ARPC2: variants seen among roughly 807,000 people sequenced by gnomAD.
The protein encoded by ARPC2 is actin-related protein 2/3 complex subunit 2.
A neutral mutation model predicts 38.6 loss-of-function variants in ARPC2; 4 were observed. The observed-to-expected ratio is 0.10, with a 90% CI of 0.05 to 0.24. The LOEUF is 0.24. Among genes scored for constraint, ARPC2 ranks in the 10% least tolerant of loss-of-function variants. ARPC2 has a pLI of 1.00. For missense variants in ARPC2, 229 were observed against 387.3 expected (o/e 0.59, Z 3.43); for synonymous variants, 125 against 140.8 (o/e 0.89, Z 0.79).
At chr2:218,220,529 G>A (rs1303838371) in intron 2 of ARPC2, among the ~76,000 whole-genome samples, 1 of 151,978 alleles carries the variant, frequency 6.6e-6, no homozygotes, top group South Asian at 2.1e-4. Context: ...TTCTGAAAAT[G>A]AAAGCATGAG....
chr2:218,235,786 G>C (rs1559479578), intron 5 of ARPC2: 1 of 152,172 alleles, frequency 6.6e-6, no homozygotes, highest in Non-Finnish European at 1.5e-5. Flanking sequence ...AAATGTAAAA[G>C]TGTGTGAAAG....
intron 8 of ARPC2, among the ~76,000 whole-genome samples, chr2:218,247,788 A>G (rs1474187760): frequency 6.6e-6 from 1 of 152,092 alleles, no homozygotes; most frequent in Non-Finnish European, 1.5e-5. Context: ...CAAAAAATAC[A>G]AAAACTTAGC....
At chr2:218,225,899 G>T in intron 2 of ARPC2, 21 bp from the exon 3 acceptor site, 2 of 1,613,152 alleles carry the variant, frequency 1.2e-6, no homozygotes, top group South Asian at 2.2e-5. Context: ...CTTAACTGAG[G>T]ACCTTTTTTG....
In ARPC2 at chr2:218,254,034, C is replaced by T; in HGVS notation, c.*119C>T. On this transcript the variant is annotated 3_prime_UTR_variant, in exon 11 of 11. Coordinates refer to ENST00000315717, the MANE Select transcript of ARPC2 (RefSeq NM_152862.3). ...TCTTAAGGGATTCTCCGTTTTGGTT[C>T]CATTTTGTACACGTTTGGAAAATAA... 1.5e-6 allele frequency: 2 copies of T among 1,349,682 alleles called. No homozygotes were observed. The highest frequency in any genetic ancestry group is 1.2e-5 in the South Asian group (1 of 80,676). The allele number at this position is 1,349,682 out of a possible 1,614,324, so 83.6% of individuals were successfully genotyped here.
intron 4 of ARPC2, among the ~76,000 whole-genome samples, chr2:218,230,031 C>T (rs1291709978): frequency 2.0e-5 from 3 of 151,406 alleles, no homozygotes; most frequent in African/African-American, 7.3e-5. Flanking sequence ...ACTGCAGTGG[C>T]GCCAGCTCAG....
chr2:218,223,812 G>A (rs1376946909), intron 2 of ARPC2, among the ~76,000 whole-genome samples: 3 of 152,164 alleles, frequency 2.0e-5, no homozygotes, highest in Non-Finnish European at 4.4e-5. Flanking sequence ...AATTCTGGGG[G>A]CCTATTTAGT....
chr2:218,249,395 T>C lies in ARPC2; in HGVS notation c.708T>C (p.Ala236=). ...TCCCTCGTCACACCAATGCCAGTGC[T>C]CGAGACAACACCATCAACCTGATCC... is the stretch of plus-strand genomic sequence containing the variant. The part of the protein sequence containing the change: ...VLFPRHTNAS[A]RDNTINLIHT... The change falls in exon 9 of 11, where the codon GCT becomes GCC. Residue 236 remains alanine, a synonymous_variant. Coordinates refer to ENST00000315717, the MANE Select transcript of ARPC2 (RefSeq NM_152862.3). 2 of 1,613,702 alleles carry C rather than the reference T, an allele frequency of 1.2e-6. No homozygotes were observed. The highest frequency in any genetic ancestry group is 8.5e-7 in the Non-Finnish European group (1 of 1,179,860).
chr2:218,219,241 C>T (rs555169868), intron 2 of ARPC2, among the ~76,000 whole-genome samples: 1 of 152,200 alleles, frequency 6.6e-6, no homozygotes, highest in South Asian at 2.1e-4. Context: ...GCCCATTATT[C>T]GGAACTTCAG....
chr2:218,245,598 C>T (rs769265506), intron 8 of ARPC2, 52 bp downstream of exon 8: 3 of 1,605,430 alleles, frequency 1.9e-6, no homozygotes, highest in Admixed American at 3.4e-5. Context: ...GTTCACACAG[C>T]AGAATACCTA....
intron 2 of ARPC2, among the ~76,000 whole-genome samples, chr2:218,220,685 C>T (rs370985225): frequency 1.3e-4 from 19 of 151,808 alleles, no homozygotes; most frequent in African/African-American, 4.4e-4. Flanking sequence ...CTAAAAGTAT[C>T]AGCTTTCTTT....
At chr2:218,253,506 T>C (rs940814317) in intron 10 of ARPC2, among the ~76,000 whole-genome samples, 2 of 152,204 alleles carry the variant, frequency 1.3e-5, no homozygotes, top group African/African-American at 4.8e-5. Flanking sequence ...CTGAGAGGTA[T>C]ACACTGTGTA....
intron 4 of ARPC2, among the ~76,000 whole-genome samples, chr2:218,230,295 T>C (rs1037070078): frequency 6.7e-5 from 8 of 120,242 alleles, no homozygotes; most frequent in Non-Finnish European, 9.8e-5. Flanking sequence ...TTCTTTTTTT[T>C]TTTTTTTTTT....
intron 10 of ARPC2, among the ~76,000 whole-genome samples, chr2:218,250,125 G>T (rs116355998): frequency 0.027 from 4,069 of 152,264 alleles, 65 homozygotes; most frequent in Non-Finnish European, 0.034. Context: ...CCGTATCTTT[G>T]TGAGCTATGA....
intron 3 of ARPC2, among the ~76,000 whole-genome samples, chr2:218,227,257 G>C (rs1014267418): frequency 6.6e-6 from 1 of 152,100 alleles, no homozygotes; most frequent in African/African-American, 2.4e-5. Flanking sequence ...TCAGTCCTGT[G>C]TACTGCAGAA....
chr2:218,252,572 C>T (rs1690217104), intron 10 of ARPC2, among the ~76,000 whole-genome samples: 1 of 152,158 alleles, frequency 6.6e-6, no homozygotes, highest in Admixed American at 6.5e-5. Flanking sequence ...AGTAGACAGG[C>T]AGTTCAGTAG....
At position 218,239,177 on chromosome 2, in the gene ARPC2, A is replaced by ATC. The variant is rs2106154068; in HGVS notation, c.456-212_456-211dup. On this transcript the variant is annotated intron_variant, in intron 6 of 10. Transcript: ENST00000315717. Reference sequence around the variant, plus strand: ...CATGTTATATTTACAAGTCAATAAAATCTACTTCTGATAATTTCCATCTGC... The same window carrying ATC: ...CATGTTATATTTACAAGTCAATAAAATCTCTACTTCTGATAATTTCCATCTGC... The ATC allele has an allele frequency of 5.1e-6, 3 of 586,580 alleles. No homozygotes were observed. The East Asian group carries it at 8.4e-5, about 16-fold the overall frequency. The allele number at this position is 586,580 out of a possible 1,614,324, so 36.3% of individuals were successfully genotyped here. A position where few individuals can be genotyped will look rare whatever the true frequency, so the allele number is the denominator to read the frequency against.
rs1689835123 is a variant in ARPC2, at chr2:218,238,683, A to C, written c.288A>C (p.Leu96=). 1 of 1,595,888 alleles carries C rather than the reference A, an allele frequency of 6.3e-7. No individual in the cohort carries two copies. The change falls in exon 6 of 11, where the codon CTA becomes CTC. Residue 96 remains leucine (L), a synonymous_variant. Transcript: ENST00000315717. ...NPESGYNVSL[L]YDLENLPASK... ...CTCCAGGATACAATGTCTCTTTGCT[A>C]TATGACCTTGAAAATCTTCCGGCAT...
intron 4 of ARPC2, chr2:218,233,422 A>G (rs1689688111): frequency 6.6e-6 from 1 of 152,080 alleles, no homozygotes; most frequent in African/African-American, 2.4e-5. Flanking sequence ...GAAGGTATAA[A>G]AGGGGTTCTT....
chr2:218,232,242 A>C (rs1333121090), intron 4 of ARPC2, among the ~76,000 whole-genome samples: 1 of 145,174 alleles, frequency 6.9e-6, no homozygotes, highest in Non-Finnish European at 1.5e-5. Context: ...CTCCGTCTCA[A>C]AAAAAAAGAA....
Sources: gnomAD v4.1 joint callset for allele counts (sites outside exome capture counted in the v4.1 genomes callset) on GRCh38, gnomAD v4.1.1 for gene constraint, MANE v1.5 for transcripts, NCBI Gene and HGNC (gene_info 2026-07-23, HGNC 2026-07-21) for gene names.